The following NKAIN3 variants were observed in gnomAD, a reference collection of about 807,000 sequenced individuals.
The protein encoded by NKAIN3 is sodium/potassium-transporting ATPase subunit beta-1-interacting protein 3.
Under a neutral mutation model 30.2 loss-of-function variants are expected in NKAIN3, and 25 were observed. The ratio of observed to expected loss-of-function variants is 0.83; its 90% CI spans 0.60 to 1.16. The LOEUF is 1.16. Ranked by LOEUF, NKAIN3 falls within the 50% of genes most tolerant of loss-of-function variation. The probability of loss-of-function intolerance (pLI) is 0.00; values close to 1 mark genes in which losing one functional copy is unlikely to be tolerated. For missense variants in NKAIN3, 225 were observed against 254.1 expected, an observed-to-expected ratio of 0.89 and a Z score of 0.78; for synonymous variants, 91 against 89.6, an observed-to-expected ratio of 1.02 and a Z score of -0.09.
At chr8:62,794,963 C>T (rs1007066852) in intron 4 of NKAIN3, among the ~76,000 whole-genome samples, 2 of 152,116 alleles carry the variant, frequency 1.3e-5, no homozygotes, top group Non-Finnish European at 2.9e-5. Flanking sequence ...TTTCCATCCC[C>T]TTCACACAAC....
intron 1 of NKAIN3, among the ~76,000 whole-genome samples, chr8:62,493,891 C>G (rs1807151762): frequency 6.6e-6 from 1 of 152,186 alleles, no homozygotes; most frequent in African/African-American, 2.4e-5. Flanking sequence ...TGACACTTTG[C>G]TGAAGTTGTT....
chr8:62,820,646 C>T (rs1301316217), intron 4 of NKAIN3, among the ~76,000 whole-genome samples: 2 of 151,956 alleles, frequency 1.3e-5, no homozygotes, highest in African/African-American at 2.4e-5. Context: ...TCTGGTGAAC[C>T]GACAAACTAA....
At chr8:62,858,271 A>G (rs891278382) in intron 4 of NKAIN3, among the ~76,000 whole-genome samples, 6 of 151,852 alleles carry the variant, frequency 4.0e-5, no homozygotes, top group African/African-American at 1.5e-4. Flanking sequence ...TGCCAGGCCA[A>G]ATGCAGTTGT....
intron 1 of NKAIN3, among the ~76,000 whole-genome samples, chr8:62,433,714 C>T (rs1435263541): frequency 6.6e-6 from 1 of 152,036 alleles, no homozygotes; most frequent in Non-Finnish European, 1.5e-5. Flanking sequence ...TAATTTGCAC[C>T]AACCTAATAA....
At position 62,908,063 on chromosome 8, in the gene NKAIN3, C is replaced by A. The variant is rs1015502927; in HGVS notation, c.472-10390C>A. Among the ~76,000 whole-genome samples, 7 of 152,194 alleles carry A rather than the reference C, an allele frequency of 4.6e-5. No individual in the cohort carries two copies. In the South Asian group the frequency reaches 6.2e-4, roughly 14 times the overall value. On this transcript the variant is annotated intron_variant, in intron 4 of 6. Coordinates refer to ENST00000623646, the MANE Select transcript of NKAIN3 (RefSeq NM_001304533.3). ...GGGGTGATACCCTGCAAAGCCACAG[C>A]TGTGTAGCTGCTCAAGACCATGGGA...
At chr8:62,743,842 T>A (rs1287480703) in intron 3 of NKAIN3, among the ~76,000 whole-genome samples, 2 of 152,212 alleles carry the variant, frequency 1.3e-5, no homozygotes, top group African/African-American at 4.8e-5. Flanking sequence ...CTCAGATTCT[T>A]CTTGGCTTCT....
intron 1 of NKAIN3, among the ~76,000 whole-genome samples, chr8:62,396,477 C>T (rs915274997): frequency 3.9e-5 from 6 of 152,188 alleles, no homozygotes; most frequent in African/African-American, 1.2e-4. Context: ...AATTAATTCT[C>T]AGATATTCCT....
intron 1 of NKAIN3, among the ~76,000 whole-genome samples, chr8:62,492,318 G>A (rs775615545): frequency 3.9e-5 from 6 of 152,034 alleles, no homozygotes; most frequent in Non-Finnish European, 7.4e-5. Flanking sequence ...ACTTGGTCTT[G>A]GTAGTACACC....
chr8:62,249,203 C>A, intron 1 of NKAIN3, 76 bp downstream of exon 1: 1 of 1,261,764 alleles, frequency 7.9e-7, no homozygotes, highest in Non-Finnish European at 1.1e-6. Flanking sequence ...CTCTGCGGTT[C>A]CGCAGCTCCC....
At chr8:62,777,433 G>A (rs1158243512) in intron 4 of NKAIN3, among the ~76,000 whole-genome samples, 4 of 151,906 alleles carry the variant, frequency 2.6e-5, no homozygotes, top group Non-Finnish European at 5.9e-5. Flanking sequence ...CAAATGGCCT[G>A]TCTAGCTCAC....
intron 1 of NKAIN3, among the ~76,000 whole-genome samples, chr8:62,356,042 G>A (rs1189405502): frequency 2.0e-5 from 3 of 152,128 alleles, no homozygotes; most frequent in Non-Finnish European, 2.9e-5. Context: ...TAACCCTAGC[G>A]AGTAATCCTA....
intron 3 of NKAIN3, among the ~76,000 whole-genome samples, chr8:62,728,064 G>GT (rs901256136): frequency 6.6e-6 from 1 of 152,236 alleles, no homozygotes; most frequent in Admixed American, 6.5e-5. Context: ...AGCCAAGATA[G>GT]TTTTTTCACC....
intron 3 of NKAIN3, among the ~76,000 whole-genome samples, chr8:62,691,596 G>C (rs1016082607): frequency 1.3e-5 from 2 of 152,146 alleles, no homozygotes; most frequent in Non-Finnish European, 2.9e-5. Flanking sequence ...TGGAATATTT[G>C]AGAATGTTAA....
chr8:62,397,548 C>G lies in NKAIN3; in HGVS notation c.54+148421C>G, dbSNP rs559539945. Among the ~76,000 whole-genome samples the G allele has an allele frequency of 1.4e-4, 21 of 152,176 alleles. No individual in the cohort carries two copies. The South Asian group carries it at 4.4e-3, about 32-fold the overall frequency. On this transcript the variant is annotated intron_variant, in intron 1 of 6. Transcript: ENST00000623646. ...AATTGCTCAGAATCAGAAACCACAA[C>G]TATAATGGAATTCAGAATAGAATCT...
At chr8:62,308,685 A>G (rs1424492471) in intron 1 of NKAIN3, among the ~76,000 whole-genome samples, 2 of 150,550 alleles carry the variant, frequency 1.3e-5, no homozygotes, top group Non-Finnish European at 2.9e-5. Flanking sequence ...GTGGGCAACA[A>G]TGGGATGCAA....
intron 3 of NKAIN3, among the ~76,000 whole-genome samples, chr8:62,619,525 C>T (rs1563486647): frequency 6.6e-6 from 1 of 152,108 alleles, no homozygotes; most frequent in Non-Finnish European, 1.5e-5. Flanking sequence ...TTTCTGGACC[C>T]AACCAATGTA....
At chr8:62,616,898 T>C (rs557055386) in intron 3 of NKAIN3, among the ~76,000 whole-genome samples, 1 of 152,298 alleles carries the variant, frequency 6.6e-6, no homozygotes, top group South Asian at 2.1e-4. Flanking sequence ...AATGTTGTAG[T>C]TGGGGCCTAC....
At chr8:62,490,242 T>C (rs1013606057) in intron 1 of NKAIN3, among the ~76,000 whole-genome samples, 1 of 150,574 alleles carries the variant, frequency 6.6e-6, no homozygotes, top group African/African-American at 2.5e-5. Flanking sequence ...GTTGGAGGGC[T>C]GTACAGTTTG....
intron 1 of NKAIN3, among the ~76,000 whole-genome samples, chr8:62,343,717 G>A (rs7844501): frequency 0.039 from 5,945 of 151,868 alleles, 421 homozygotes; most frequent in African/African-American, 0.14. Context: ...AGCCTAAGGT[G>A]GGAGAATTTC....
Sources: gnomAD v4.1 joint callset for allele counts (sites outside exome capture counted in the v4.1 genomes callset) on GRCh38, gnomAD v4.1.1 for gene constraint, MANE v1.5 for transcripts, NCBI Gene and HGNC (gene_info 2026-07-23, HGNC 2026-07-21) for gene names.